ERICH1: variants seen among roughly 807,000 people sequenced by gnomAD.
ERICH1 encodes the protein glutamate rich 1, also known as glutamate-rich protein 1.
ERICH1 carries 56 observed loss-of-function variants against 39.6 expected under a neutral mutation model. The ratio of observed to expected loss-of-function variants is 1.41; its 90% CI spans 1.14 to 1.77. The LOEUF (loss-of-function observed/expected upper bound fraction) is 1.77, where lower values mean the gene tolerates loss of function less well. Ranked by LOEUF, ERICH1 falls within the 40% of genes most tolerant of loss-of-function variation. The probability of loss-of-function intolerance (pLI) is 0.00; values close to 1 mark genes in which losing one functional copy is unlikely to be tolerated. For missense variants in ERICH1, 826 were observed against 575.4 expected, an observed-to-expected ratio of 1.44 and a Z score of -4.45; for synonymous variants, 313 against 223.6, an observed-to-expected ratio of 1.40 and a Z score of -3.57.
intron 3 of ERICH1, chr8:616,423 C>A: frequency 9.5e-6 from 4 of 422,070 alleles, no homozygotes; most frequent in Non-Finnish European, 1.9e-5. Context: ...TGACCGAACC[C>A]CGCACACCCC....
At chr8:708,690 T>TTGTTTTTTTG (rs1359266225) in intron 2 of ERICH1, among the ~76,000 whole-genome samples, 3 of 77,760 alleles carry the variant, frequency 3.9e-5, no homozygotes, top group African/African-American at 1.6e-4. Flanking sequence ...AGTTTTTTTT[T>TTGTTTTTTTG]TTTTTTTTTT....
intron 2 of ERICH1, among the ~76,000 whole-genome samples, chr8:711,966 T>C (rs1212305897): frequency 6.6e-6 from 1 of 152,252 alleles, no homozygotes; most frequent in Non-Finnish European, 1.5e-5. Context: ...TATGTGGGTC[T>C]ATTTCTGTAC....
intron 2 of ERICH1, among the ~76,000 whole-genome samples, chr8:699,820 A>ACAGGCCCGCACAG (rs1563295682): frequency 1.7e-5 from 1 of 58,992 alleles, no homozygotes; most frequent in African/African-American, 7.0e-5. Context: ...GATCCGCACA[A>ACAGGCCCGCACAG]GCGCACAGAC....
rs376828514 is a variant in ERICH1, at chr8:686,052, C to T, written c.304+6426G>A. The stretch of plus-strand genomic sequence containing the variant: ...GTGCGCACCTGTGGTCCCAGCTTCT[C>T]GGGAGGCTGAGGCAGGAGGGCGGCT... On this transcript the variant is annotated intron_variant, in intron 3 of 5. Transcript: ENST00000262109. 9.9e-5 allele frequency among the ~76,000 whole-genome samples: 15 copies of T among 150,818 alleles called. No individual in the cohort carries two copies. In the East Asian group the frequency reaches 2.1e-3, roughly 22 times the overall value.
chr8:653,377 G>A lies in ERICH1; in HGVS notation c.976+15221C>T, dbSNP rs568849589. Among the ~76,000 whole-genome samples, 281 of 152,332 alleles carry A rather than the reference G, an allele frequency of 1.8e-3. 1 individual carries two copies. The highest frequency in any genetic ancestry group is 6.3e-3 in the African/African-American group (263 of 41,578). On this transcript the variant is annotated intron_variant, in intron 3 of 3. Coordinates refer to the ERICH1 transcript ENST00000522706. ...GGAGTCTGCGCCTGTAATAGTGGCC[G>A]AGTCTTGACCAATCCCAGCAGCCAT... is the stretch of plus-strand genomic sequence containing the variant.
intron 3 of ERICH1, among the ~76,000 whole-genome samples, chr8:654,407 C>T (rs181002251): frequency 1.1e-4 from 16 of 152,034 alleles, no homozygotes; most frequent in South Asian, 1.0e-3. Context: ...AGAGCTGGGA[C>T]GGGGCCTCCT....
intron 1 of ERICH1, chr8:725,230 T>C (rs951379771): frequency 3.8e-5 from 7 of 185,718 alleles, no homozygotes; most frequent in Non-Finnish European, 6.7e-5. Context: ...CCTCTCCGGC[T>C]TCCTGTCTGC....
chr8:729,457 GAC>G (rs1490896431), intron 1 of ERICH1, among the ~76,000 whole-genome samples: 4 of 152,316 alleles, frequency 2.6e-5, no homozygotes, highest in South Asian at 4.1e-4. Flanking sequence ...CTCTGAAGAA[GAC>G]ACACACTCCA....
At chr8:724,153 C>A (rs1163023574) in intron 1 of ERICH1, among the ~76,000 whole-genome samples, 2 of 152,220 alleles carry the variant, frequency 1.3e-5, no homozygotes, top group East Asian at 3.9e-4. Context: ...GGGATCCTCA[C>A]GTAGGAGGTG....
intron 2 of ERICH1, among the ~76,000 whole-genome samples, chr8:706,158 C>G (rs1313929585): frequency 6.6e-6 from 1 of 152,200 alleles, no homozygotes; most frequent in Non-Finnish European, 1.5e-5. Flanking sequence ...TGTAAGCGCA[C>G]TTTGCTCACA....
chr8:700,345 ATCCGCACACGCGCACAGG>A (rs1811718141), intron 2 of ERICH1, among the ~76,000 whole-genome samples: 1 of 15,726 alleles, frequency 6.4e-5, no homozygotes, highest in Admixed American at 8.0e-4. Flanking sequence ...ACGCGCACAG[ATCCGCACACGCGCACAGG>A]CCCGCACAGG....
chr8:673,944 T>G lies in ERICH1; in HGVS notation c.408A>C (p.Leu136Phe), dbSNP rs1257142295. ...CCTGTAACAGACTCTGCTGTTTCTC[T>G]AATTCTGCTTGTTCTATAAGAACAT... ...PNNVLIEQAELEKQQSLLQEK... is the reference protein window; with the variant it reads ...PNNVLIEQAEFEKQQSLLQEK... Residue 136 changes from leucine (L) to phenylalanine (F), a missense_variant, in exon 4 of 6, where the codon TTA (leucine) becomes TTC (phenylalanine). By Grantham distance (22) the Leu-to-Phe change is conservative (BLOSUM62 0). Transcript: ENST00000262109. 6.2e-7 allele frequency: 1 copy of G among 1,611,444 alleles called. No homozygotes were observed. Among genetic ancestry groups the G allele is most frequent in the African/African-American group, 1.3e-5 (1 of 74,802 alleles).
chr8:664,296 T>C lies in ERICH1; in HGVS notation c.*307A>G, dbSNP rs1298852396. The C allele has an allele frequency of 9.6e-7, 1 of 1,040,680 alleles. No individual in the cohort carries two copies. The highest frequency in any genetic ancestry group is 1.2e-6 in the Non-Finnish European group (1 of 866,248). 64.5% of individuals were successfully genotyped at this position (1,040,680 alleles called of 1,614,324 possible). ...AAAACTTCATAAAAATATATGAGCT[T>C]CAAACTATACATTTAACTTAACAGA... On this transcript the variant is annotated 3_prime_UTR_variant, in exon 6 of 6. Coordinates refer to ENST00000262109, the MANE Select transcript of ERICH1 (RefSeq NM_207332.3).
intron 2 of ERICH1, among the ~76,000 whole-genome samples, chr8:711,464 C>A (rs1161624369): frequency 6.6e-6 from 1 of 151,670 alleles, no homozygotes; most frequent in Non-Finnish European, 1.5e-5. Context: ...ATCTTCTAAC[C>A]GTTTATAGTT....
chr8:656,685 G>T lies in ERICH1; in HGVS notation c.976+11913C>A. 3.2e-6 allele frequency: 3 copies of T among 924,414 alleles called. No homozygotes were observed. In the South Asian group the frequency reaches 1.5e-4, roughly 46 times the overall value. The allele number at this position is 924,414 out of a possible 1,614,324, so 57.3% of individuals were successfully genotyped here. A position where few individuals can be genotyped will look rare whatever the true frequency, so the allele number is the denominator to read the frequency against. On this transcript the variant is annotated intron_variant, in intron 3 of 3. Transcript: ENST00000522706. ...GGGCTTACTTGCCTCTGGGAATAAAGGACATCCCCATTCACGCTGTGTCTT... is the reference window on the plus strand; with the variant it reads ...GGGCTTACTTGCCTCTGGGAATAAATGACATCCCCATTCACGCTGTGTCTT...
At chr8:668,923 A>C in intron 4 of ERICH1, 131 bp from the exon 5 acceptor site, 1 of 780,378 alleles carries the variant, frequency 1.3e-6, no homozygotes, top group Non-Finnish European at 2.0e-6. Flanking sequence ...GGGAGATGAG[A>C]AGCTACCAGA....
chr8:659,923 T>C (rs1157533183), downstream of ERICH1, among the ~76,000 whole-genome samples: 1 of 152,176 alleles, frequency 6.6e-6, no homozygotes, highest in Non-Finnish European at 1.5e-5. Context: ...ACTGGCAGGC[T>C]GCTCCCTGTC....
At chr8:681,949 T>A (rs1806225649) in intron 3 of ERICH1, among the ~76,000 whole-genome samples, 1 of 152,222 alleles carries the variant, frequency 6.6e-6, no homozygotes, top group African/African-American at 2.4e-5. Context: ...GATCGCCCTG[T>A]CTGCCTTCAT....
chr8:664,342 C>G lies in ERICH1; in HGVS notation c.*261G>C, dbSNP rs1801868640. On this transcript the variant is annotated 3_prime_UTR_variant, in exon 6 of 6. Coordinates refer to ENST00000262109, the MANE Select transcript of ERICH1 (RefSeq NM_207332.3). Reference sequence around the variant, plus strand: ...ACAGAATGTCCATTTTCAATTTTTACAATAAGTAGAGAAACAGAATCAAGT... The same window carrying G: ...ACAGAATGTCCATTTTCAATTTTTAGAATAAGTAGAGAAACAGAATCAAGT... 1 of 1,107,632 alleles carries G rather than the reference C, an allele frequency of 9.0e-7. No homozygotes were observed. Among genetic ancestry groups the G allele is most frequent in the Admixed American group, 4.7e-5 (1 of 21,258 alleles). The allele number at this position is 1,107,632 out of a possible 1,614,324, so 68.6% of individuals were successfully genotyped here. A position where few individuals can be genotyped will look rare whatever the true frequency, so the allele number is the denominator to read the frequency against.
Sources: allele counts gnomAD v4.1 joint callset (sites outside exome capture counted in the v4.1 genomes callset), GRCh38; gene constraint gnomAD v4.1.1; transcripts MANE v1.5; gene names NCBI Gene and HGNC (gene_info 2026-07-23, HGNC 2026-07-21).